The following TRIM49C variants were observed in gnomAD, a reference collection of about 807,000 sequenced individuals.
TRIM49C encodes the protein tripartite motif-containing protein 49C.
Under a neutral mutation model 21.4 loss-of-function variants are expected in TRIM49C, and 6 were observed. The observed-to-expected ratio is 0.28, with a 90% CI of 0.15 to 0.55. The LOEUF (loss-of-function observed/expected upper bound fraction) is 0.55, where lower values mean the gene tolerates loss of function less well. Among genes scored for constraint, TRIM49C ranks in the 20% least tolerant of loss-of-function variants. The pLI is 0.94. For synonymous variants in TRIM49C, 57 were observed against 148.1 expected, an observed-to-expected ratio of 0.38 and a Z score of 4.47; for missense variants, 161 against 442.4, an observed-to-expected ratio of 0.36 and a Z score of 5.71.
At chr11:90,054,469 C>A in the TRIM49C span, among the ~76,000 whole-genome samples, 1 of 137,420 alleles carries the variant, frequency 7.3e-6, no homozygotes, top group Admixed American at 8.1e-5. Flanking sequence ...CAGTCTGTCA[C>A]CGAGGCTAGA....
intron 2 of TRIM49C, among the ~76,000 whole-genome samples, chr11:90,033,314 A>G (rs1377580765): frequency 7.7e-6 from 1 of 129,516 alleles, no homozygotes; most frequent in Non-Finnish European, 1.6e-5. Flanking sequence ...CAAAGATTAT[A>G]GTTTTTATAT....
chr11:90,062,138 T>C, the TRIM49C span: 1 of 370,792 alleles, frequency 2.7e-6, no homozygotes. Flanking sequence ...AGGCTGTAAT[T>C]GAAAGAAACA....
Position 90,041,802 on chromosome 11 carries a change from C to CTT in TRIM49C, c.*259_*260dup. The CTT allele has an allele frequency of 1.2e-5, 1 of 81,918 alleles. No homozygotes were observed. The highest frequency in any genetic ancestry group is 2.1e-5 in the Non-Finnish European group (1 of 46,952). 5.1% of individuals were successfully genotyped at this position (81,918 alleles called of 1,614,324 possible). On this transcript the variant is annotated 3_prime_UTR_variant, in exon 8 of 8. Transcript: ENST00000448984. ...ATGATCATGGCATACAGTATATTCT[C>CTT]TTTTTTTTCTTTATTTATGACTGTC... is the stretch of plus-strand genomic sequence containing the variant.
the TRIM49C span, among the ~76,000 whole-genome samples, chr11:90,062,350 T>A: frequency 7.5e-6 from 1 of 133,674 alleles, no homozygotes; most frequent in Non-Finnish European, 1.6e-5. Flanking sequence ...GCTCCACAGC[T>A]CCATTCTATA....
chr11:90,045,088 A>C (rs908906613), downstream of TRIM49C, among the ~76,000 whole-genome samples: 6 of 128,788 alleles, frequency 4.7e-5, 1 homozygote, highest in Admixed American at 9.5e-5. Context: ...ATGGTTGTAG[A>C]TATGTGGCAT....
chr11:90,070,779 C>CTTGTTTGTTTCTTTGATTCTTTGT, the TRIM49C span, among the ~76,000 whole-genome samples: 4 of 141,886 alleles, frequency 2.8e-5, 1 homozygote, highest in African/African-American at 1.0e-4. Flanking sequence ...AGAATAACAA[C>CTTGTTTGTTTCTTTGATTCTTTGT]TTGTTTGTTT....
At chr11:90,060,226 A>AT in the TRIM49C span, among the ~76,000 whole-genome samples, 34 of 137,566 alleles carry the variant, frequency 2.5e-4, 1 homozygote, top group Admixed American at 7.7e-4. Flanking sequence ...CAGAAATAAC[A>AT]TTTTTTTTTA....
chr11:90,040,950 G>C lies in TRIM49C; in HGVS notation c.860-101G>C, dbSNP rs1410874634. ...AGAAGTTACAAGCAAAACTTTTTAT[G>C]ACTTTACATTTGCTGGTAAAGTAAC... On this transcript the variant is annotated intron_variant, in intron 7 of 7. Transcript: ENST00000448984. The C allele has an allele frequency of 5.2e-5, 75 of 1,446,240 alleles. 1 individual carries two copies. The highest frequency in any genetic ancestry group is 6.4e-5 in the Non-Finnish European group (71 of 1,103,000). The allele number at this position is 1,446,240 out of a possible 1,614,324, so 89.6% of individuals were successfully genotyped here. A position where few individuals can be genotyped will look rare whatever the true frequency, so the allele number is the denominator to read the frequency against.
At chr11:90,063,309 A>G in the TRIM49C span, among the ~76,000 whole-genome samples, 2 of 126,510 alleles carry the variant, frequency 1.6e-5, no homozygotes, top group Admixed American at 1.8e-4. Flanking sequence ...ATCCTCCTGA[A>G]TACTTTATCT....
the TRIM49C span, among the ~76,000 whole-genome samples, chr11:90,068,570 T>C: frequency 6.9e-6 from 1 of 145,024 alleles, no homozygotes. Flanking sequence ...AAATATCAAG[T>C]GCCTACTGTG....
the TRIM49C span, chr11:90,053,561 A>C: frequency 0.088 from 12,562 of 142,982 alleles, 5 homozygotes; most frequent in East Asian, 0.2. Flanking sequence ...TGGAAAGGGT[A>C]CAAAGAGTCG....
At chr11:90,062,268 TATC>T in the TRIM49C span, among the ~76,000 whole-genome samples, 12 of 127,482 alleles carry the variant, frequency 9.4e-5, 1 homozygote, top group Non-Finnish European at 1.4e-4. Flanking sequence ...CTTCAGATAA[TATC>T]ATCAATTTTC....
chr11:90,043,295 G>T (rs1950782016), downstream of TRIM49C, among the ~76,000 whole-genome samples: 1 of 136,908 alleles, frequency 7.3e-6, no homozygotes, highest in Admixed American at 7.8e-5. Flanking sequence ...CTGGCATGAT[G>T]GCACATGCTA....
chr11:90,068,126 CG>C, the TRIM49C span, among the ~76,000 whole-genome samples: 1 of 85,258 alleles, frequency 1.2e-5, no homozygotes, highest in Non-Finnish European at 2.3e-5. Context: ...TAAATTGGGG[CG>C]GGGGTGCTGG....
intron 4 of TRIM49C, among the ~76,000 whole-genome samples, chr11:90,036,736 T>C (rs1336271958): frequency 7.2e-6 from 1 of 138,314 alleles, no homozygotes; most frequent in Non-Finnish European, 1.6e-5. Context: ...AATATACTAG[T>C]AAAGAAGAAA....
rs1274019527 is a variant in TRIM49C at position 90,037,091 on chromosome 11, GTATGTA to G, written c.508-656_508-651del. Reference sequence around the variant, plus strand: ...TGTATATATGTATGTATGTATGTATGTATGTATGTGTGTGTGTTTGTATACATATAT... The same window carrying G: ...TGTATATATGTATGTATGTATGTATGTGTGTGTGTGTTTGTATACATATAT... On this transcript the variant is annotated intron_variant, in intron 4 of 7. Transcript: ENST00000448984. Among the ~76,000 whole-genome samples, 9 of 133,314 alleles carry G rather than the reference GTATGTA, an allele frequency of 6.8e-5. 1 individual carries two copies. The highest frequency in any genetic ancestry group is 1.8e-4 in the Admixed American group (2 of 11,284). The allele number at this position is 133,314 out of a possible 152,430, so 87.5% of individuals were successfully genotyped here.
chr11:90,052,135 C>T, the TRIM49C span: 10 of 443,620 alleles, frequency 2.3e-5, no homozygotes, highest in African/African-American at 1.5e-4. Context: ...GTCGGCAGAG[C>T]CCCAGGACCC....
At chr11:90,045,865 G>A (rs1274985072), downstream of TRIM49C, among the ~76,000 whole-genome samples, 2 of 120,294 alleles carry the variant, frequency 1.7e-5, 1 homozygote, top group East Asian at 5.1e-4. Flanking sequence ...CTTTTCTAAG[G>A]GCATGCTTCC....
At chr11:90,067,307 G>A in the TRIM49C span, among the ~76,000 whole-genome samples, 2 of 138,962 alleles carry the variant, frequency 1.4e-5, no homozygotes, top group South Asian at 4.9e-4. Flanking sequence ...ATAGCAAAAG[G>A]GTTCCATCTA....
Sources: gnomAD v4.1 joint callset for allele counts (sites outside exome capture counted in the v4.1 genomes callset) on GRCh38, gnomAD v4.1.1 for gene constraint, MANE v1.5 for transcripts, NCBI Gene and HGNC (gene_info 2026-07-23, HGNC 2026-07-21) for gene names.